Variants in ANK2 observed in about 807,000 individuals in gnomAD.
The protein encoded by ANK2 is ankyrin 2.
In ANK2, 83 loss-of-function variants were observed where a neutral mutation model predicts 360.5. That is an observed-to-expected ratio of 0.23 (90% CI 0.19 to 0.28). The LOEUF (loss-of-function observed/expected upper bound fraction) is 0.28. ANK2 is among the 10% of genes least tolerant of loss of function. ANK2 has a pLI of 1.00. For missense variants in ANK2, 4,201 were observed against 4,795.7 expected (o/e 0.88, Z 3.66); for synonymous variants, 1,740 against 1,759.5 (o/e 0.99, Z 0.28).
intron 1 of ANK2, among the ~76,000 whole-genome samples, chr4:113,156,879 G>A (rs2097322351): frequency 6.9e-6 from 1 of 145,604 alleles, no homozygotes; most frequent in Non-Finnish European, 1.5e-5. Context: ...ATATGTGTGT[G>A]TGACACACAA....
At chr4:113,321,447 G>T (rs908470717) in intron 26 of ANK2, among the ~76,000 whole-genome samples, 1 of 152,074 alleles carries the variant, frequency 6.6e-6, no homozygotes, top group South Asian at 2.1e-4. Context: ...CTCTATTAGC[G>T]TCTCCAGTGT....
Position 113,373,115 on chromosome 4 carries a change from C to T in ANK2, c.11636C>T (p.Pro3879Leu), listed in dbSNP as rs1022217255. ...GGAGACGATATGCCTGAAATACCCC[C>T]AGAAACAGTCACAGAAGAAGAATAC... ...EKGDDMPEIP[P>L]ETVTEEEYID... Residue 3879 changes from proline to leucine, a missense_variant, in exon 44 of 46, where the codon CCA becomes CTA. Coordinates refer to ENST00000357077, the MANE Select transcript of ANK2 (RefSeq NM_001148.6). 4.3e-6 allele frequency: 7 copies of T among 1,613,976 alleles called. No homozygotes were observed. Among genetic ancestry groups the T allele is most frequent in the Middle Eastern group, 1.6e-4 (1 of 6,084 alleles).
At chr4:113,332,188 A>G (rs1588405016) in intron 28 of ANK2, 118 bp downstream of exon 28, 1 of 924,830 alleles carries the variant, frequency 1.1e-6, no homozygotes, top group South Asian at 1.3e-5. Context: ...TATGATTTAA[A>G]TTCTGTATAA....
At chr4:113,025,643 A>G (rs1157757266) in intron 2 of ANK2, among the ~76,000 whole-genome samples, 1 of 152,184 alleles carries the variant, frequency 6.6e-6, no homozygotes, top group African/African-American at 2.4e-5. Context: ...AGTTGTAATT[A>G]GCTTTGTACA....
chr4:112,941,700 GATAT>G (rs1337104975), intron 2 of ANK2, among the ~76,000 whole-genome samples: 1 of 144,570 alleles, frequency 6.9e-6, no homozygotes, highest in Admixed American at 7.0e-5. Flanking sequence ...TATATAAAAG[GATAT>G]ATAAAGATAT....
At chr4:113,159,719 T>C (rs1455669899) in intron 1 of ANK2, among the ~76,000 whole-genome samples, 1 of 151,960 alleles carries the variant, frequency 6.6e-6, no homozygotes, top group East Asian at 1.9e-4. Context: ...AGTGATCTCT[T>C]GCTTCAGCCT....
At chr4:112,875,389 C>A (rs2074729657) in intron 1 of ANK2, among the ~76,000 whole-genome samples, 1 of 152,184 alleles carries the variant, frequency 6.6e-6, no homozygotes, top group African/African-American at 2.4e-5. Flanking sequence ...TCATAGCTCA[C>A]TGCACCCTTG....
chr4:112,840,556 C>T (rs1359570376), intron 1 of ANK2, among the ~76,000 whole-genome samples: 1 of 152,126 alleles, frequency 6.6e-6, no homozygotes, highest in Non-Finnish European at 1.5e-5. Flanking sequence ...CCAGAGGGTC[C>T]ATAATGTAGC....
chr4:113,112,646 G>A (rs7699082), intron 1 of ANK2, among the ~76,000 whole-genome samples: 105,475 of 152,014 alleles, frequency 0.69, 36,860 homozygotes, highest in African/African-American at 0.73. Flanking sequence ...GTCAAGGGGT[G>A]TCCCGAGGGT....
At chr4:113,055,961 T>C (rs1255215163) in intron 1 of ANK2, among the ~76,000 whole-genome samples, 4 of 152,144 alleles carry the variant, frequency 2.6e-5, no homozygotes, top group African/African-American at 7.2e-5. Context: ...CTCTTATCTA[T>C]GGGAATAACA....
At chr4:112,812,287 C>A in the ANK2 span, among the ~76,000 whole-genome samples, 3 of 152,108 alleles carry the variant, frequency 2.0e-5, no homozygotes, top group African/African-American at 7.2e-5. Context: ...TTATAGTATT[C>A]TTTATGATGC....
chr4:112,716,813 T>C, the ANK2 span, among the ~76,000 whole-genome samples: 1 of 152,160 alleles, frequency 6.6e-6, no homozygotes, highest in Admixed American at 6.5e-5. Flanking sequence ...ACATCACATA[T>C]TTATAGATGG....
intron 1 of ANK2, among the ~76,000 whole-genome samples, chr4:113,152,831 A>G (rs940749059): frequency 1.3e-5 from 2 of 151,956 alleles, no homozygotes; most frequent in African/African-American, 4.8e-5. Flanking sequence ...AGGCCAGGAA[A>G]TTGAGGGTAC....
the ANK2 span, among the ~76,000 whole-genome samples, chr4:112,743,612 G>A: frequency 5.4e-5 from 7 of 129,918 alleles, no homozygotes; most frequent in Non-Finnish European, 1.1e-4. Flanking sequence ...GCACGATCTC[G>A]GCTCACTGCA....
At chr4:113,148,315 C>A (rs1056727924) in intron 1 of ANK2, among the ~76,000 whole-genome samples, 1 of 152,122 alleles carries the variant, frequency 6.6e-6, no homozygotes, top group African/African-American at 2.4e-5. Context: ...CTTAGCATAA[C>A]AAATTAATTT....
At chr4:112,809,221 C>CA in the ANK2 span, among the ~76,000 whole-genome samples, 79 of 148,486 alleles carry the variant, frequency 5.3e-4, no homozygotes, top group African/African-American at 1.9e-3. Flanking sequence ...CAAAACACTT[C>CA]AAAAAAACTT....
chr4:112,842,875 A>C (rs1461224232), intron 1 of ANK2, among the ~76,000 whole-genome samples: 1 of 152,248 alleles, frequency 6.6e-6, no homozygotes, highest in Non-Finnish European at 1.5e-5. Context: ...GAAGTCCCAA[A>C]TGGGTTTCAC....
chr4:113,035,165 AC>A (rs1343101782), intron 2 of ANK2, among the ~76,000 whole-genome samples: 1 of 148,812 alleles, frequency 6.7e-6, no homozygotes, highest in Non-Finnish European at 1.5e-5. Context: ...ATCAAAAGGT[AC>A]CTTTTTTTTT....
chr4:112,760,188 CTTT>C, the ANK2 span, among the ~76,000 whole-genome samples: 9 of 123,430 alleles, frequency 7.3e-5, no homozygotes, highest in Admixed American at 8.5e-5. Context: ...ATTCCATATT[CTTT>C]TTTTTTTTTT....
Sources: allele counts gnomAD v4.1 joint callset (sites outside exome capture counted in the v4.1 genomes callset), GRCh38; gene constraint gnomAD v4.1.1; transcripts MANE v1.5; gene names NCBI Gene and HGNC (gene_info 2026-07-23, HGNC 2026-07-21).